Variants in C7 observed in about 807,000 individuals in gnomAD.
C7 encodes complement C7.
Under a neutral mutation model 104.8 loss-of-function variants are expected in C7, and 83 were observed. The ratio of observed to expected loss-of-function variants is 0.79; its 90% CI spans 0.66 to 0.95. The LOEUF (loss-of-function observed/expected upper bound fraction) is 0.95, where lower values mean the gene tolerates loss of function less well. Among genes scored for constraint, C7 ranks in the 40% least tolerant of loss-of-function variants. C7 has a pLI of 0.00. For synonymous variants in C7, 415 were observed against 360.6 expected (o/e 1.15, Z -1.71); for missense variants, 1,070 against 1,011.2 (o/e 1.06, Z -0.79).
chr5:40,956,086 A>G (rs1048212054), intron 10 of C7, among the ~76,000 whole-genome samples: 2 of 152,232 alleles, frequency 1.3e-5, no homozygotes, highest in Non-Finnish European at 2.9e-5. Context: ...TGCACAATAA[A>G]GGGCTTAAGG....
chr5:40,959,037 G>A (rs143889305), intron 11 of C7, among the ~76,000 whole-genome samples: 6 of 152,180 alleles, frequency 3.9e-5, no homozygotes, highest in South Asian at 2.1e-4. Context: ...AAAATTCTAC[G>A]ACTGTGATTC....
At chr5:40,976,235 C>T (rs958938142) in intron 15 of C7, among the ~76,000 whole-genome samples, 5 of 152,184 alleles carry the variant, frequency 3.3e-5, no homozygotes, top group Non-Finnish European at 7.3e-5. Context: ...ATGTATAAGG[C>T]AAGTGATGTT....
intron 14 of C7, among the ~76,000 whole-genome samples, chr5:40,969,621 G>A (rs1306808953): frequency 6.6e-6 from 1 of 152,114 alleles, no homozygotes; most frequent in African/African-American, 2.4e-5. Context: ...CCAACTGAAG[G>A]TATGGGCTTT....
intron 7 of C7, among the ~76,000 whole-genome samples, chr5:40,945,875 CATATATATATATATATATATAT>C (rs58480949): frequency 1.6e-5 from 2 of 127,326 alleles, no homozygotes; most frequent in South Asian, 5.4e-4. Flanking sequence ...AAAAAAAATA[CATATATATATATATATATATAT>C]ATATATATAT....
intron 10 of C7, 138 bp downstream of exon 10, chr5:40,955,691 G>A (rs1380973905): frequency 1.5e-6 from 1 of 671,110 alleles, no homozygotes; most frequent in East Asian, 2.9e-5. Flanking sequence ...ATTTTGTAGA[G>A]TAAAATGAAT....
chr5:40,979,787 G>T lies in C7; in HGVS notation c.2228G>T (p.Cys743Phe). 1.2e-6 allele frequency: 2 copies of T among 1,613,594 alleles called. No homozygotes were observed. Among genetic ancestry groups the T allele is most frequent in the Non-Finnish European group, 1.7e-6 (2 of 1,179,618 alleles). ...RSKRILPLTVCKMHVLHCQGR... is the reference protein window; with the variant it reads ...RSKRILPLTVFKMHVLHCQGR... ...AAAAGGATACTGCCTCTGACAGTTTGCAAGATGCATGTTCTCCACTGTCAG... is the reference window on the plus strand; with the variant it reads ...AAAAGGATACTGCCTCTGACAGTTTTCAAGATGCATGTTCTCCACTGTCAG... Residue 743 changes from cysteine (C) to phenylalanine (F), a missense_variant, in exon 17 of 18, where the codon TGC (cysteine) becomes TTC (phenylalanine). Cys to Phe is a radical substitution (Grantham distance 205). Coordinates refer to ENST00000313164, the MANE Select transcript of C7 (RefSeq NM_000587.4).
intron 14 of C7, among the ~76,000 whole-genome samples, chr5:40,967,257 G>A (rs982749147): frequency 2.0e-5 from 3 of 151,888 alleles, no homozygotes; most frequent in African/African-American, 7.3e-5. Context: ...GTAGAGATGG[G>A]TTTTCACCAT....
chr5:40,931,047 A>T lies in C7; in HGVS notation c.63-17A>T, dbSNP rs1739672121. The T allele has an allele frequency of 6.3e-7, 1 of 1,590,596 alleles. No individual in the cohort carries two copies. The highest frequency in any genetic ancestry group is 1.3e-5 in the African/African-American group (1 of 74,582). ...CTTTCCACCTGCTTTATGATGGACA[A>T]TTTGACACTGTGGCAGTGCCTCCTC... On this transcript the variant is annotated splice_polypyrimidine_tract_variant and intron_variant, in intron 2 of 17. Transcript: ENST00000313164.
rs768882071 is a variant in C7, at chr5:40,975,582, G to A, written c.2075-1168G>A. ...TTTCACCATGTTGGCTAGGCTGGTCGTGAACTCCTGACCTCAAGTGATCTG... is the reference window on the plus strand; with the variant it reads ...TTTCACCATGTTGGCTAGGCTGGTCATGAACTCCTGACCTCAAGTGATCTG... On this transcript the variant is annotated intron_variant, in intron 15 of 17. Coordinates refer to ENST00000313164, the MANE Select transcript of C7 (RefSeq NM_000587.4). Among the ~76,000 whole-genome samples, 8 of 152,016 alleles carry A rather than the reference G, an allele frequency of 5.3e-5. No homozygotes were observed. In the South Asian group the frequency reaches 6.2e-4, roughly 12 times the overall value.
In C7 at chr5:40,949,949, A is replaced by C. The variant is rs768503454; in HGVS notation, c.1028A>C (p.His343Pro). ...EEKKCKSSGW[H>P]FVVKFSSHGC... The stretch of plus-strand genomic sequence containing the variant: ...AAGAAATGTAAATCCTCAGGTTGGC[A>C]TTTTGTCGTTAAATTTTCAAGTCAT... Residue 343 changes from histidine (H) to proline (P), a missense_variant, in exon 9 of 18, where the codon CAT (histidine) becomes CCT (proline). Coordinates refer to ENST00000313164, the MANE Select transcript of C7 (RefSeq NM_000587.4). 1.9e-6 allele frequency: 3 copies of C among 1,601,384 alleles called. No homozygotes were observed. In the East Asian group the frequency reaches 6.7e-5, roughly 36 times the overall value.
intron 15 of C7, among the ~76,000 whole-genome samples, chr5:40,973,746 A>G (rs1042497752): frequency 6.6e-6 from 1 of 152,238 alleles, no homozygotes; most frequent in Non-Finnish European, 1.5e-5. Context: ...TAAAAATGAA[A>G]GAGAACAATA....
At chr5:40,969,101 A>G (rs1269454581) in intron 14 of C7, among the ~76,000 whole-genome samples, 2 of 152,036 alleles carry the variant, frequency 1.3e-5, no homozygotes, top group East Asian at 3.9e-4. Context: ...TTAATGTGGT[A>G]TATTTATTAT....
chr5:40,956,177 A>G (rs57868813), intron 10 of C7, among the ~76,000 whole-genome samples: 55 of 152,350 alleles, frequency 3.6e-4, no homozygotes, highest in Admixed American at 2.2e-3. Context: ...CAATAAAAAT[A>G]CTTGCATGGT....
intron 1 of C7, among the ~76,000 whole-genome samples, chr5:40,921,042 C>CT (rs554926625): frequency 8.1e-6 from 1 of 123,726 alleles, no homozygotes; most frequent in South Asian, 2.5e-4. Flanking sequence ...GAGCAAGACT[C>CT]TGTCTCCAAA....
chr5:40,978,140 GAAAAAAAA>G (rs869311131), intron 16 of C7, among the ~76,000 whole-genome samples: 1 of 107,634 alleles, frequency 9.3e-6, no homozygotes, highest in African/African-American at 3.7e-5. Flanking sequence ...ATCTCAAAAA[GAAAAAAAA>G]AAAAAAAAAA....
chr5:40,968,581 TATATATATATATATATA>T (rs1740612837), intron 14 of C7, among the ~76,000 whole-genome samples: 1 of 56,436 alleles, frequency 1.8e-5, no homozygotes, highest in Non-Finnish European at 3.3e-5. Context: ...TATATATATA[TATATATATATATATATA>T]TATTTTTTTT....
At position 40,937,358 on chromosome 5, in the gene C7, A is replaced by C. The variant is rs1196977268; in HGVS notation, c.429-194A>C. 6 of 375,268 alleles carry C rather than the reference A, an allele frequency of 1.6e-5. No homozygotes were observed. In the South Asian group the frequency reaches 6.3e-4, roughly 40 times the overall value. 23.2% of individuals were successfully genotyped at this position (375,268 alleles called of 1,614,324 possible). On this transcript the variant is annotated intron_variant, in intron 5 of 17. Transcript: ENST00000313164. ...ATTAGTTTTAGTGATTATACCAAGC[A>C]GGGGAAGCTGGATAATGTATGGTGT...
At chr5:40,912,575 C>T (rs573687936) in intron 1 of C7, among the ~76,000 whole-genome samples, 1 of 151,978 alleles carries the variant, frequency 6.6e-6, no homozygotes, top group African/African-American at 2.4e-5. Flanking sequence ...AACAGGCTGG[C>T]CTCAAATTCC....
At chr5:40,919,118 T>C (rs1402060095) in intron 1 of C7, among the ~76,000 whole-genome samples, 1 of 145,526 alleles carries the variant, frequency 6.9e-6, no homozygotes, top group Admixed American at 6.8e-5. Context: ...TGAAATTATA[T>C]CAAGTATCTT....
Sources: allele counts gnomAD v4.1 joint callset (sites outside exome capture counted in the v4.1 genomes callset), GRCh38; gene constraint gnomAD v4.1.1; transcripts MANE v1.5; gene names NCBI Gene and HGNC (gene_info 2026-07-23, HGNC 2026-07-21).